The following GPR39 variants were observed in gnomAD, a reference collection of about 807,000 sequenced individuals.
The protein encoded by GPR39 is zinc sensing receptor.
A neutral mutation model predicts 18.4 loss-of-function variants in GPR39; 23 were observed. The observed-to-expected ratio is 1.25, with a 90% confidence interval of 0.90 to 1.77. The LOEUF is 1.77. Among genes scored for constraint, GPR39 ranks in the 40% most tolerant of loss-of-function variants. The pLI is 0.00. For synonymous variants in GPR39, 280 were observed against 257.9 expected (o/e 1.09, Z -0.82); for missense variants, 647 against 602.4 (o/e 1.07, Z -0.78).
At chr2:132,618,561 C>T (rs980874471) in intron 1 of GPR39, among the ~76,000 whole-genome samples, 2 of 152,078 alleles carry the variant, frequency 1.3e-5, no homozygotes, top group Non-Finnish European at 2.9e-5. Context: ...TACACAGCCA[C>T]ATCTTATGTG....
At position 132,645,490 on chromosome 2, in the gene GPR39, G is replaced by A; in HGVS notation, c.1246G>A (p.Glu416Lys). 2 of 1,613,856 alleles carry A rather than the reference G, an allele frequency of 1.2e-6. No homozygotes were observed. The highest frequency in any genetic ancestry group is 1.7e-6 in the Non-Finnish European group (2 of 1,180,038). ...EKIFLSTFQS[E>K]AEPQSKSQSL... ...GATTTTCTTAAGCACTTTTCAGAGC[G>A]AGGCCGAGCCCCAGTCTAAGTCCCA... The change falls in exon 2 of 2, where the codon GAG (glutamate) becomes AAG (lysine). Residue 416 changes from glutamate to lysine, a missense_variant. Physicochemically the swap from Glu to Lys is moderately conservative, Grantham distance 56. Transcript: ENST00000329321.
At chr2:132,639,086 G>T (rs1385466332) in intron 1 of GPR39, among the ~76,000 whole-genome samples, 1 of 152,168 alleles carries the variant, frequency 6.6e-6, no homozygotes, top group Non-Finnish European at 1.5e-5. Flanking sequence ...TGTTGCTGCA[G>T]TGTTGTTCGG....
At chr2:132,534,317 A>G (rs1324365032) in intron 1 of GPR39, among the ~76,000 whole-genome samples, 1 of 150,924 alleles carries the variant, frequency 6.6e-6, no homozygotes, top group African/African-American at 2.4e-5. Flanking sequence ...TAGAATGGCA[A>G]TCATTAAAAA....
At chr2:132,581,120 G>C (rs1298754570) in intron 1 of GPR39, among the ~76,000 whole-genome samples, 2 of 150,834 alleles carry the variant, frequency 1.3e-5, no homozygotes, top group African/African-American at 4.9e-5. Context: ...GGAAAAACCT[G>C]TGAGGCAAAG....
At chr2:132,623,582 A>C (rs527593986) in intron 1 of GPR39, among the ~76,000 whole-genome samples, 1 of 152,304 alleles carries the variant, frequency 6.6e-6, no homozygotes, top group South Asian at 2.1e-4. Context: ...ATGACTCAGC[A>C]TTCAGAGCCC....
Position 132,645,988 on chromosome 2 carries a change from G to A in GPR39, c.*382G>A. ...GAAGAAACTCACTCAGGGAGGTGGGGGGTTGGGGGCGAGGGCTGGAAGAAC... is the reference window on the plus strand; with the variant it reads ...GAAGAAACTCACTCAGGGAGGTGGGAGGTTGGGGGCGAGGGCTGGAAGAAC... On this transcript the variant is annotated 3_prime_UTR_variant, in exon 2 of 2. Coordinates refer to ENST00000329321, the MANE Select transcript of GPR39 (RefSeq NM_001508.3). 7.5e-7 allele frequency: 1 copy of A among 1,331,682 alleles called. No homozygotes were observed. Among genetic ancestry groups the A allele is most frequent in the Non-Finnish European group, 1.0e-6 (1 of 978,762 alleles). The allele number at this position is 1,331,682 out of a possible 1,614,324, so 82.5% of individuals were successfully genotyped here. A position where few individuals can be genotyped will look rare whatever the true frequency, so the allele number is the denominator to read the frequency against.
rs541427504 is a variant in GPR39 at position 132,645,826 on chromosome 2, T to A, written c.*220T>A. 1.3e-5 allele frequency: 9 copies of A among 685,656 alleles called. No homozygotes were observed. In the East Asian group the frequency reaches 2.2e-4, roughly 17 times the overall value. The allele number at this position is 685,656 out of a possible 1,614,324, so 42.5% of individuals were successfully genotyped here. ...CATGGGGGTGAACTTTCACTCCACCTCCTTCCTTCAAGTACATACTGAAAA... is the reference window on the plus strand; with the variant it reads ...CATGGGGGTGAACTTTCACTCCACCACCTTCCTTCAAGTACATACTGAAAA... On this transcript the variant is annotated 3_prime_UTR_variant, in exon 2 of 2. Transcript: ENST00000329321.
rs1020313867 is a variant in GPR39 at position 132,608,643 on chromosome 2, C to A, written c.857-36458C>A. On this transcript the variant is annotated intron_variant, in intron 1 of 1. Coordinates refer to ENST00000329321, the MANE Select transcript of GPR39 (RefSeq NM_001508.3). ...TGGAACCCTGCAAACAATAAAGTAG[C>A]CTGGCAGGGCTTGGCATGTGGCAGA... Among the ~76,000 whole-genome samples the A allele has an allele frequency of 1.4e-4, 21 of 152,294 alleles. 1 individual carries two copies. Among genetic ancestry groups the A allele is most frequent in the African/African-American group, 4.8e-4 (20 of 41,568 alleles).
chr2:132,474,812 A>C (rs1273450702), intron 1 of GPR39, among the ~76,000 whole-genome samples: 1 of 152,162 alleles, frequency 6.6e-6, no homozygotes, highest in Non-Finnish European at 1.5e-5. Context: ...CAGCATATTC[A>C]TGGCAATTCC....
chr2:132,558,076 T>G (rs888230947), intron 1 of GPR39, among the ~76,000 whole-genome samples: 3 of 152,098 alleles, frequency 2.0e-5, no homozygotes, highest in Non-Finnish European at 4.4e-5. Flanking sequence ...AAAGGATACG[T>G]TCTCAGAAAA....
intron 1 of GPR39, among the ~76,000 whole-genome samples, chr2:132,477,078 G>A (rs1187506150): frequency 6.6e-6 from 1 of 152,204 alleles, no homozygotes; most frequent in East Asian, 1.9e-4. Context: ...TTCTCGAGAT[G>A]CTATCCCATC....
At chr2:132,604,273 A>T (rs540159502) in intron 1 of GPR39, among the ~76,000 whole-genome samples, 1 of 152,168 alleles carries the variant, frequency 6.6e-6, no homozygotes, top group African/African-American at 2.4e-5. Flanking sequence ...ATAGATGTCT[A>T]TCCCCTTGCC....
intron 1 of GPR39, among the ~76,000 whole-genome samples, chr2:132,552,163 G>C (rs1680055801): frequency 6.6e-6 from 1 of 152,116 alleles, no homozygotes; most frequent in South Asian, 2.1e-4. Context: ...TATTTACATA[G>C]TATTTACATT....
At chr2:132,621,218 G>T (rs1240132613) in intron 1 of GPR39, among the ~76,000 whole-genome samples, 1 of 152,178 alleles carries the variant, frequency 6.6e-6, no homozygotes, top group Non-Finnish European at 1.5e-5. Flanking sequence ...CCAAGTTCCT[G>T]CCTCATATCT....
intron 1 of GPR39, among the ~76,000 whole-genome samples, chr2:132,620,935 G>A (rs1229377175): frequency 6.6e-6 from 1 of 152,028 alleles, no homozygotes; most frequent in Non-Finnish European, 1.5e-5. Context: ...TGTATTTTTA[G>A]TAAAGACGGG....
At chr2:132,469,535 C>T (rs568385481) in intron 1 of GPR39, among the ~76,000 whole-genome samples, 1 of 152,306 alleles carries the variant, frequency 6.6e-6, no homozygotes, top group East Asian at 1.9e-4. Flanking sequence ...AGACTGAGGC[C>T]TGAGCGTCCT....
At chr2:132,601,046 A>T (rs113179439) in intron 1 of GPR39, among the ~76,000 whole-genome samples, 1 of 152,188 alleles carries the variant, frequency 6.6e-6, no homozygotes, top group East Asian at 1.9e-4. Context: ...CAAACTTTTA[A>T]ATCAGAACTA....
chr2:132,551,142 G>T (rs1193548027), intron 1 of GPR39, among the ~76,000 whole-genome samples: 1 of 152,148 alleles, frequency 6.6e-6, no homozygotes, highest in Non-Finnish European at 1.5e-5. Context: ...GCAGCTCAAC[G>T]ATGTTAGAGT....
At chr2:132,643,498 C>T (rs1314536265) in intron 1 of GPR39, among the ~76,000 whole-genome samples, 1 of 152,166 alleles carries the variant, frequency 6.6e-6, no homozygotes. Context: ...GTGAATGTGG[C>T]TGTTTTTTCC....
Sources: allele counts gnomAD v4.1 joint callset (sites outside exome capture counted in the v4.1 genomes callset), GRCh38; gene constraint gnomAD v4.1.1; transcripts MANE v1.5; gene names NCBI Gene and HGNC (gene_info 2026-07-23, HGNC 2026-07-21).